The following TGM4 variants were observed in gnomAD, a reference collection of about 807,000 sequenced individuals.
TGM4 encodes protein-glutamine gamma-glutamyltransferase 4.
A neutral mutation model predicts 76.3 loss-of-function variants in TGM4; 61 were observed. That is an observed-to-expected ratio of 0.80 (90% confidence interval 0.65 to 0.99). The LOEUF is 0.99. TGM4 is among the 50% of genes least tolerant of loss of function. The probability of loss-of-function intolerance (pLI) is 0.00; values close to 1 mark genes in which losing one functional copy is unlikely to be tolerated. For missense variants in TGM4, 794 were observed against 843.2 expected, an observed-to-expected ratio of 0.94 and a Z score of 0.72; for synonymous variants, 337 against 329.8, an observed-to-expected ratio of 1.02 and a Z score of -0.24.
rs71325044 is a variant in TGM4, at chr3:44,891,832, G to A, written c.430+1100G>A. Reference sequence around the variant, plus strand: ...TACTAAAAATACAAAAAAATTAGCCGGGCATGGTGGCGGGCGCCTATATTC... The same window carrying A: ...TACTAAAAATACAAAAAAATTAGCCAGGCATGGTGGCGGGCGCCTATATTC... On this transcript the variant is annotated intron_variant, in intron 4 of 13. Coordinates refer to ENST00000296125, the MANE Select transcript of TGM4 (RefSeq NM_003241.4). 7.4e-4 allele frequency among the ~76,000 whole-genome samples: 113 copies of A among 151,908 alleles called. 4 individuals are homozygous for A. In the South Asian group the frequency reaches 0.022, roughly 30 times the overall value.
intron 8 of TGM4, among the ~76,000 whole-genome samples, chr3:44,902,648 G>T (rs578044727): frequency 8.0e-6 from 1 of 124,722 alleles, no homozygotes; most frequent in Admixed American, 8.1e-5. Context: ...GCAGATTCCT[G>T]TACTGGAGCT....
chr3:44,893,154 G>C (rs1476436255), intron 4 of TGM4, among the ~76,000 whole-genome samples: 6 of 152,120 alleles, frequency 3.9e-5, no homozygotes, highest in African/African-American at 1.4e-4. Context: ...GATGGTTCTT[G>C]CTTCAACCAT....
intron 5 of TGM4, among the ~76,000 whole-genome samples, chr3:44,895,581 C>T (rs1699768726): frequency 6.6e-6 from 1 of 152,068 alleles, no homozygotes; most frequent in Non-Finnish European, 1.5e-5. Flanking sequence ...GTCCAGAAGG[C>T]TAAGGCTTCA....
At chr3:44,887,178 T>C (rs542983833) in intron 2 of TGM4, among the ~76,000 whole-genome samples, 2 of 152,294 alleles carry the variant, frequency 1.3e-5, no homozygotes, top group Admixed American at 6.5e-5. Context: ...CTGTGGGCTA[T>C]GGAAAGAGGT....
intron 3 of TGM4, chr3:44,888,337 T>G (rs1699641900): frequency 6.4e-6 from 1 of 155,308 alleles, no homozygotes. Context: ...GGCCAGATCT[T>G]TGGACTGGTT....
At chr3:44,903,191 A>G (rs902113700) in intron 8 of TGM4, among the ~76,000 whole-genome samples, 2 of 152,164 alleles carry the variant, frequency 1.3e-5, no homozygotes, top group South Asian at 2.1e-4. Flanking sequence ...GGCTTTTCCT[A>G]TATACACATT....
At chr3:44,890,447 G>A (rs116486313) in intron 3 of TGM4, 156 bp from the exon 4 acceptor site, 11,498 of 1,022,678 alleles carry the variant, frequency 0.011, 127 homozygotes, top group Middle Eastern at 0.051. Flanking sequence ...TTGCAGGGGC[G>A]CTCCTGGCTG....
At chr3:44,909,548 G>T (rs965880926) in intron 10 of TGM4, among the ~76,000 whole-genome samples, 1 of 152,120 alleles carries the variant, frequency 6.6e-6, no homozygotes, top group African/African-American at 2.4e-5. Context: ...CCAGGGAATC[G>T]CCCTTAGGTC....
intron 2 of TGM4, among the ~76,000 whole-genome samples, chr3:44,887,024 A>G (rs1699617347): frequency 6.6e-6 from 1 of 152,210 alleles, no homozygotes; most frequent in African/African-American, 2.4e-5. Context: ...GTTCCCAGCC[A>G]TGAGCACGGC....
intron 9 of TGM4, among the ~76,000 whole-genome samples, chr3:44,906,361 A>G (rs1046497177): frequency 5.9e-5 from 9 of 152,346 alleles, no homozygotes; most frequent in Non-Finnish European, 1.0e-4. Flanking sequence ...CTCTATCCCC[A>G]TGCTAGAAAT....
At chr3:44,885,724 G>A (rs1235760760) in intron 2 of TGM4, among the ~76,000 whole-genome samples, 5 of 152,172 alleles carry the variant, frequency 3.3e-5, no homozygotes, top group African/African-American at 1.2e-4. Flanking sequence ...TGGCTAAGCA[G>A]GGGAGGGGCC....
intron 1 of TGM4, among the ~76,000 whole-genome samples, chr3:44,883,270 A>G (rs1435099596): frequency 3.3e-5 from 5 of 152,164 alleles, no homozygotes; most frequent in African/African-American, 7.2e-5. Context: ...GGGGTTGCCA[A>G]TGTGGTGATA....
chr3:44,912,130 C>T (rs139179643), intron 13 of TGM4, among the ~76,000 whole-genome samples: 2 of 152,200 alleles, frequency 1.3e-5, no homozygotes, highest in Admixed American at 6.5e-5. Flanking sequence ...CATGCCCGGC[C>T]GAACAGTTTG....
Position 44,910,342 on chromosome 3 carries a change from A to T in TGM4, c.1580A>T (p.Asn527Ile). The T allele has an allele frequency of 6.2e-7, 1 of 1,614,014 alleles. No individual in the cohort carries two copies. Among genetic ancestry groups the T allele is most frequent in the East Asian group, 2.2e-5 (1 of 44,878 alleles). ...GKKMAKLCDL[N>I]KTSQIQGQVS... ...AAGATGGCAAAACTGTGTGACCTCA[A>T]TAAGACCTCGCAGATCCAAGGTCAA... The change falls in exon 11 of 14, where the codon AAT becomes ATT. Residue 527 changes from asparagine to isoleucine, a missense_variant. Asn to Ile is a moderately radical substitution (Grantham distance 149). Coordinates refer to ENST00000296125, the MANE Select transcript of TGM4 (RefSeq NM_003241.4).
chr3:44,901,611 A>G lies in TGM4; in HGVS notation c.745A>G (p.Ser249Gly), dbSNP rs781305042. 4.3e-6 allele frequency: 7 copies of G among 1,614,196 alleles called. No homozygotes were observed. The highest frequency in any genetic ancestry group is 2.2e-5 in the East Asian group (1 of 44,884). The change falls in exon 7 of 14, where the codon AGT (serine) becomes GGT (glycine). Residue 249 changes from serine (S) to glycine (G), a missense_variant. Coordinates refer to ENST00000296125, the MANE Select transcript of TGM4 (RefSeq NM_003241.4). ...GGTAPYKWTG[S>G]APILQQYYNT... ...CACAGCCCCATACAAGTGGACAGGC[A>G]GTGCCCCGATCCTGCAGCAGTACTA...
chr3:44,900,642 G>A lies in TGM4; in HGVS notation c.658-882G>A, dbSNP rs1046667262. On this transcript the variant is annotated intron_variant, in intron 6 of 13. Transcript: ENST00000296125. ...GTTTGCAAAGGACGTTAGTGTGCAG[G>A]CCAGGAGGGGATGGGTGGATGTGGT... is the stretch of plus-strand genomic sequence containing the variant. 3.9e-5 allele frequency among the ~76,000 whole-genome samples: 6 copies of A among 152,318 alleles called. No homozygotes were observed. In the South Asian group the frequency reaches 1.0e-3, roughly 26 times the overall value.
intron 1 of TGM4, among the ~76,000 whole-genome samples, chr3:44,881,555 G>A (rs1178918007): frequency 3.3e-5 from 5 of 152,274 alleles, no homozygotes; most frequent in African/African-American, 9.6e-5. Context: ...GTAAGCTCAG[G>A]TCTTCCTCTT....
intron 5 of TGM4, among the ~76,000 whole-genome samples, chr3:44,895,285 A>G (rs574578523): frequency 3.2e-4 from 49 of 151,890 alleles, no homozygotes; most frequent in African/African-American, 1.1e-3. Context: ...ACAGAGTGAG[A>G]CTCCATCTTG....
At chr3:44,879,265 C>CTCTCTCTCTCTCTCTCTCTATATA (rs1482970491) in intron 1 of TGM4, among the ~76,000 whole-genome samples, 1 of 92,294 alleles carries the variant, frequency 1.1e-5, no homozygotes, top group African/African-American at 4.4e-5. Context: ...CTCTCTCTCT[C>CTCTCTCTCTCTCTCTCTCTATATA]TATATATATA....
Sources: gnomAD v4.1 joint callset for allele counts (sites outside exome capture counted in the v4.1 genomes callset) on GRCh38, gnomAD v4.1.1 for gene constraint, MANE v1.5 for transcripts, NCBI Gene and HGNC (gene_info 2026-07-23, HGNC 2026-07-21) for gene names.